Variants in MPP7 observed in about 807,000 individuals in gnomAD.
MPP7 encodes MAGUK p55 subfamily member 7.
Under a neutral mutation model 76.5 loss-of-function variants are expected in MPP7, and 60 were observed. The ratio of observed to expected loss-of-function variants is 0.78; its 90% confidence interval spans 0.64 to 0.97. MPP7 has a LOEUF of 0.97. Ranked by LOEUF, MPP7 falls within the 50% of genes least tolerant of loss-of-function variation. The pLI, the probability that MPP7 is intolerant of heterozygous loss-of-function variation, is 0.00. For missense variants in MPP7, 641 were observed against 694.0 expected, an observed-to-expected ratio of 0.92 and a Z score of 0.86; for synonymous variants, 237 against 244.5, an observed-to-expected ratio of 0.97 and a Z score of 0.29.
At chr10:28,095,409 A>G (rs1275150371) in intron 11 of MPP7, among the ~76,000 whole-genome samples, 1 of 151,908 alleles carries the variant, frequency 6.6e-6, no homozygotes, top group Non-Finnish European at 1.5e-5. Context: ...CCTAACGGCA[A>G]TTTTTCTAGA....
Position 28,152,857 on chromosome 10 carries a change from T to C in MPP7, c.157-2798A>G, listed in dbSNP as rs1435000735. Among the ~76,000 whole-genome samples the C allele has an allele frequency of 3.9e-5, 6 of 152,180 alleles. No individual in the cohort carries two copies. The South Asian group carries it at 1.0e-3, about 26-fold the overall frequency. ...ACCAAAGATGTGGCTTCATCATCAA[T>C]GAGCAATCTAGCATCAATTATTAAG... On this transcript the variant is annotated intron_variant, in intron 3 of 16. Transcript: ENST00000683449.
chr10:28,227,207 C>T (rs1359873348), intron 2 of MPP7, among the ~76,000 whole-genome samples: 1 of 152,200 alleles, frequency 6.6e-6, no homozygotes, highest in Non-Finnish European at 1.5e-5. Flanking sequence ...AAGTACATTA[C>T]TCCCAAAAAG....
At chr10:28,283,565 A>G (rs1840729418) in intron 1 of MPP7, among the ~76,000 whole-genome samples, 1 of 152,038 alleles carries the variant, frequency 6.6e-6, no homozygotes. Context: ...CTCAGGCTGG[A>G]GTGCAGTGGC....
chr10:28,253,767 G>A (rs984964538), intron 1 of MPP7, among the ~76,000 whole-genome samples: 11 of 151,844 alleles, frequency 7.2e-5, no homozygotes, highest in Admixed American at 1.3e-4. Context: ...AGGCCAAGGC[G>A]GGTGGATCAC....
chr10:28,195,422 T>C (rs1382801015), intron 3 of MPP7, among the ~76,000 whole-genome samples: 1 of 152,172 alleles, frequency 6.6e-6, no homozygotes, highest in Non-Finnish European at 1.5e-5. Context: ...TATACATCTA[T>C]GCAATAACTT....
At chr10:28,228,696 G>T (rs1407492680) in intron 2 of MPP7, among the ~76,000 whole-genome samples, 1 of 152,056 alleles carries the variant, frequency 6.6e-6, no homozygotes, top group African/African-American at 2.4e-5. Flanking sequence ...AAGAAGCAGA[G>T]GTTGCAGTGA....
At chr10:28,227,148 A>C (rs1445589364) in intron 2 of MPP7, among the ~76,000 whole-genome samples, 1 of 152,208 alleles carries the variant, frequency 6.6e-6, no homozygotes, top group Non-Finnish European at 1.5e-5. Flanking sequence ...CAAGGACAAG[A>C]GTAAGTGTAC....
chr10:28,191,961 T>C (rs1837425050), intron 3 of MPP7, among the ~76,000 whole-genome samples: 1 of 151,880 alleles, frequency 6.6e-6, no homozygotes, highest in Non-Finnish European at 1.5e-5. Context: ...TTATCTCTAC[T>C]AAAAATACAA....
At chr10:28,256,881 T>C (rs906126011) in intron 1 of MPP7, among the ~76,000 whole-genome samples, 2 of 152,188 alleles carry the variant, frequency 1.3e-5, no homozygotes, top group Non-Finnish European at 2.9e-5. Flanking sequence ...TAATAAGTCA[T>C]CTTCCCCCAT....
intron 2 of MPP7, among the ~76,000 whole-genome samples, chr10:28,217,205 GA>G: frequency 6.6e-6 from 1 of 152,156 alleles, no homozygotes; most frequent in South Asian, 2.1e-4. Context: ...CTATCCTTTA[GA>G]CAAGGATATA....
At chr10:28,148,163 T>G (rs1410137630) in intron 4 of MPP7, among the ~76,000 whole-genome samples, 1 of 152,186 alleles carries the variant, frequency 6.6e-6, no homozygotes, top group Non-Finnish European at 1.5e-5. Context: ...CTATAATGGG[T>G]TGACAGCTAG....
intron 12 of MPP7, among the ~76,000 whole-genome samples, chr10:28,080,230 G>A (rs1588736420): frequency 6.6e-6 from 1 of 152,106 alleles, no homozygotes; most frequent in Non-Finnish European, 1.5e-5. Context: ...TTTACTCTAC[G>A]CTTATATAGA....
At chr10:28,320,704 T>C (rs953156807) in intron 2 of MPP7, among the ~76,000 whole-genome samples, 7 of 152,196 alleles carry the variant, frequency 4.6e-5, no homozygotes, top group African/African-American at 4.8e-5. Flanking sequence ...CCAAAATCTT[T>C]GTTTCATAAT....
chr10:28,078,893 T>C (rs1482150899), intron 12 of MPP7, among the ~76,000 whole-genome samples: 2 of 152,230 alleles, frequency 1.3e-5, no homozygotes, highest in African/African-American at 4.8e-5. Context: ...GATAAAATGT[T>C]AATACAATTT....
At chr10:28,296,568 G>A (rs1264440268) in intron 1 of MPP7, among the ~76,000 whole-genome samples, 1 of 152,114 alleles carries the variant, frequency 6.6e-6, no homozygotes, top group Non-Finnish European at 1.5e-5. Context: ...AATGGATATC[G>A]CAACTGCTAT....
At chr10:28,056,770 T>C (rs933368277) in intron 15 of MPP7, 147 bp from the exon 16 acceptor site, 11 of 635,580 alleles carry the variant, frequency 1.7e-5, no homozygotes, top group Non-Finnish European at 2.4e-5. Flanking sequence ...TGTTGACAAT[T>C]AAATGTAACA....
chr10:28,141,201 A>T (rs1304585611), intron 5 of MPP7, among the ~76,000 whole-genome samples: 3 of 151,960 alleles, frequency 2.0e-5, no homozygotes, highest in Admixed American at 6.6e-5. Flanking sequence ...ATTCTGATTT[A>T]TTTTTTTTAA....
At chr10:28,255,439 C>G (rs1329016672) in intron 1 of MPP7, among the ~76,000 whole-genome samples, 1 of 148,488 alleles carries the variant, frequency 6.7e-6, no homozygotes. Context: ...TTTTCTGCAA[C>G]GGAGTCTCAC....
intron 1 of MPP7, among the ~76,000 whole-genome samples, chr10:28,290,144 C>T (rs893123347): frequency 3.9e-5 from 6 of 152,166 alleles, no homozygotes; most frequent in East Asian, 1.9e-4. Flanking sequence ...AATGCTATTA[C>T]GCTACTATTG....
Sources: gnomAD v4.1 joint callset for allele counts (sites outside exome capture counted in the v4.1 genomes callset) on GRCh38, gnomAD v4.1.1 for gene constraint, MANE v1.5 for transcripts, NCBI Gene and HGNC (gene_info 2026-07-23, HGNC 2026-07-21) for gene names.